Variants in STX8 observed in about 807,000 individuals in gnomAD.
The protein encoded by STX8 is syntaxin 8.
Under a neutral mutation model 37.5 loss-of-function variants are expected in STX8, and 23 were observed. That is an observed-to-expected ratio of 0.61 (90% confidence interval 0.44 to 0.87). The LOEUF (loss-of-function observed/expected upper bound fraction) is 0.87. Among genes scored for constraint, STX8 ranks in the 40% least tolerant of loss-of-function variants. The pLI is 0.00. For synonymous variants in STX8, 115 were observed against 99.1 expected (o/e 1.16, Z -0.95); for missense variants, 313 against 284.7 (o/e 1.10, Z -0.71).
intron 7 of STX8, among the ~76,000 whole-genome samples, chr17:9,341,873 T>C (rs945061774): frequency 2.6e-5 from 4 of 152,088 alleles, no homozygotes; most frequent in African/African-American, 7.2e-5. Context: ...GGTTTGGCTA[T>C]AGTGGGAGGT....
rs1357403993 is a variant in STX8 at position 9,312,066 on chromosome 17, C to T, written c.644-61421G>A. ...GTTTCACCTGTTGGCCAGGCTGGTC[C>T]GAACTCCTGACCTTGTGATTTGCCT... is the stretch of plus-strand genomic sequence containing the variant. On this transcript the variant is annotated intron_variant, in intron 7 of 7. Transcript: ENST00000306357. Among the ~76,000 whole-genome samples, 8 of 151,836 alleles carry T rather than the reference C, an allele frequency of 5.3e-5. No homozygotes were observed. The East Asian group carries it at 5.8e-4, about 11-fold the overall frequency.
intron 7 of STX8, among the ~76,000 whole-genome samples, chr17:9,377,650 C>G (rs1911646565): frequency 6.6e-6 from 1 of 152,084 alleles, no homozygotes; most frequent in Non-Finnish European, 1.5e-5. Flanking sequence ...TTAGTAGAGA[C>G]AGGGTCTCGC....
At chr17:9,428,947 A>T (rs1242541871) in intron 6 of STX8, among the ~76,000 whole-genome samples, 1 of 152,166 alleles carries the variant, frequency 6.6e-6, no homozygotes, top group Non-Finnish European at 1.5e-5. Context: ...CACATAATTG[A>T]AAGAAAATGC....
chr17:9,509,184 G>A lies in STX8; in HGVS notation c.324-4022C>T, dbSNP rs539357069. On this transcript the variant is annotated intron_variant, in intron 4 of 7. Transcript: ENST00000306357. ...GAATCACTTGAACCTGGGAGGCGGA[G>A]GTTGCAGTGAGCTGAGACCACGCTA... Among the ~76,000 whole-genome samples, 168 of 152,268 alleles carry A rather than the reference G, an allele frequency of 1.1e-3. 1 individual carries two copies. The highest frequency in any genetic ancestry group is 3.9e-3 in the African/African-American group (164 of 41,544).
At chr17:9,443,120 T>C (rs1329941172) in intron 6 of STX8, among the ~76,000 whole-genome samples, 1 of 152,176 alleles carries the variant, frequency 6.6e-6, no homozygotes, top group South Asian at 2.1e-4. Flanking sequence ...TCAAAGAAGA[T>C]AATCATGCCC....
chr17:9,529,654 T>G (rs563499768), intron 4 of STX8, among the ~76,000 whole-genome samples: 1 of 152,218 alleles, frequency 6.6e-6, no homozygotes, highest in African/African-American at 2.4e-5. Context: ...TCATATAGCA[T>G]GAACTGTGTA....
intron 7 of STX8, among the ~76,000 whole-genome samples, chr17:9,294,227 G>T (rs1027973030): frequency 6.6e-6 from 1 of 152,242 alleles, no homozygotes; most frequent in Non-Finnish European, 1.5e-5. Flanking sequence ...TAGTGAGAGA[G>T]ATGGCGTAAC....
At chr17:9,284,480 C>G (rs1027469352) in intron 7 of STX8, among the ~76,000 whole-genome samples, 2 of 152,178 alleles carry the variant, frequency 1.3e-5, no homozygotes, top group African/African-American at 2.4e-5. Flanking sequence ...GGTCTGCACC[C>G]TGGAGATACG....
At chr17:9,262,244 G>A (rs1428917005) in intron 7 of STX8, among the ~76,000 whole-genome samples, 2 of 152,188 alleles carry the variant, frequency 1.3e-5, no homozygotes, top group East Asian at 3.9e-4. Context: ...ATATTCCTGG[G>A]GTGGCCCAGT....
chr17:9,397,163 C>T (rs1912433211), intron 6 of STX8, among the ~76,000 whole-genome samples: 1 of 152,074 alleles, frequency 6.6e-6, no homozygotes, highest in African/African-American at 2.4e-5. Context: ...TTTGGGAGGC[C>T]GAGGCAGGCA....
chr17:9,432,094 G>A (rs77745326), intron 6 of STX8, among the ~76,000 whole-genome samples: 6,837 of 151,704 alleles, frequency 0.045, 403 homozygotes, highest in African/African-American at 0.14. Flanking sequence ...TCTAATGCTC[G>A]TTCTTGAAAG....
chr17:9,421,412 ATTTTTT>A (rs60518405), intron 6 of STX8, among the ~76,000 whole-genome samples: 1 of 65,158 alleles, frequency 1.5e-5, no homozygotes. Context: ...AAAAAAAAAA[ATTTTTT>A]TTTTTTTTTT....
At chr17:9,558,774 G>T (rs1295298796) in intron 2 of STX8, among the ~76,000 whole-genome samples, 1 of 151,334 alleles carries the variant, frequency 6.6e-6, no homozygotes, top group Non-Finnish European at 1.5e-5. Context: ...AGTGAGCCGA[G>T]ATCGCGCCAC....
chr17:9,279,536 C>A (rs1907804745), intron 7 of STX8, among the ~76,000 whole-genome samples: 2 of 152,176 alleles, frequency 1.3e-5, no homozygotes. Context: ...ATAGTCATAA[C>A]AATAAAGTTA....
Position 9,288,384 on chromosome 17 carries a change from G to A in STX8, c.644-37739C>T, listed in dbSNP as rs529909974. Among the ~76,000 whole-genome samples the A allele has an allele frequency of 1.8e-3, 267 of 152,156 alleles. 1 individual carries two copies. The highest frequency in any genetic ancestry group is 5.5e-3 in the African/African-American group (230 of 41,554). On this transcript the variant is annotated intron_variant, in intron 7 of 7. Coordinates refer to ENST00000306357, the MANE Select transcript of STX8 (RefSeq NM_004853.3). Reference sequence around the variant, plus strand: ...CAGCTATAAAGAATTTCAATGGGCCGGGCGCGGTGGCTCACGCCTGTAATC... The same window carrying A: ...CAGCTATAAAGAATTTCAATGGGCCAGGCGCGGTGGCTCACGCCTGTAATC...
At position 9,471,031 on chromosome 17, in the gene STX8, C is replaced by CTTTTTTTTTTTTTTTTTT. The variant is rs757411419; in HGVS notation, c.541+20780_541+20797dup. ...TACAGGCGTGAGCCACTGCATCCTG[C>CTTTTTTTTTTTTTTTTTT]TTTTTTTTTTTTTTTTTTTTTTTGA... On this transcript the variant is annotated intron_variant, in intron 6 of 7. Transcript: ENST00000306357. 9.7e-4 allele frequency among the ~76,000 whole-genome samples: 32 copies of CTTTTTTTTTTTTTTTTTT among 33,054 alleles called. 5 individuals carry two copies. Among genetic ancestry groups the CTTTTTTTTTTTTTTTTTT allele is most frequent in the South Asian group, 2.1e-3 (1 of 482 alleles). The allele number at this position is 33,054 out of a possible 152,430, so 21.7% of individuals were successfully genotyped here. A position where few individuals can be genotyped will look rare whatever the true frequency, so the allele number is the denominator to read the frequency against.
intron 7 of STX8, among the ~76,000 whole-genome samples, chr17:9,278,907 C>A (rs1907779682): frequency 6.8e-6 from 1 of 147,480 alleles, no homozygotes; most frequent in South Asian, 2.1e-4. Flanking sequence ...CTGATGAGGA[C>A]AGCAGCAGAG....
chr17:9,414,435 T>G (rs962878943), intron 6 of STX8, among the ~76,000 whole-genome samples: 4 of 152,164 alleles, frequency 2.6e-5, no homozygotes, highest in Non-Finnish European at 4.4e-5. Flanking sequence ...CTGGATGTCA[T>G]GGCAACACCA....
At chr17:9,346,203 T>G (rs935889141) in intron 7 of STX8, among the ~76,000 whole-genome samples, 1 of 152,108 alleles carries the variant, frequency 6.6e-6, no homozygotes, top group Non-Finnish European at 1.5e-5. Context: ...GGAAAGCAGA[T>G]CCTATACAGT....
Sources: gnomAD v4.1 joint callset for allele counts (sites outside exome capture counted in the v4.1 genomes callset) on GRCh38, gnomAD v4.1.1 for gene constraint, MANE v1.5 for transcripts, NCBI Gene and HGNC (gene_info 2026-07-23, HGNC 2026-07-21) for gene names.